Variants in TFCP2 observed in about 807,000 individuals in gnomAD.
TFCP2 encodes alpha-globin transcription factor CP2.
A neutral mutation model predicts 73.4 loss-of-function variants in TFCP2; 33 were observed. The ratio of observed to expected loss-of-function variants is 0.45; its 90% CI spans 0.34 to 0.60. The LOEUF (loss-of-function observed/expected upper bound fraction) is 0.60, where lower values mean the gene tolerates loss of function less well. TFCP2 is among the 20% of genes least tolerant of loss of function. The pLI is 0.01. For synonymous variants in TFCP2, 193 were observed against 211.6 expected, an observed-to-expected ratio of 0.91 and a Z score of 0.76; for missense variants, 352 against 604.0, an observed-to-expected ratio of 0.58 and a Z score of 4.37.
chr12:51,099,267 C>T (rs1940046078), intron 12 of TFCP2, among the ~76,000 whole-genome samples: 1 of 152,132 alleles, frequency 6.6e-6, no homozygotes, highest in Admixed American at 6.6e-5. Flanking sequence ...AGGGAGATCG[C>T]TTGAGCCCAG....
chr12:51,147,514 C>G lies in TFCP2; in HGVS notation c.122+24787G>C, dbSNP rs372781032. ...ATGAACAAGGCAGATAAAGGGAGAC[C>G]AGGATAGGAAGAGGTGGGGGGGGAA... On this transcript the variant is annotated intron_variant, in intron 1 of 14. Coordinates refer to ENST00000257915, the MANE Select transcript of TFCP2 (RefSeq NM_005653.5). Among the ~76,000 whole-genome samples, 4 of 143,380 alleles carry G rather than the reference C, an allele frequency of 2.8e-5. No homozygotes were observed. In the East Asian group the frequency reaches 7.9e-4, roughly 28 times the overall value. The allele number at this position is 143,380 out of a possible 152,430, so 94.1% of individuals were successfully genotyped here. A position where few individuals can be genotyped will look rare whatever the true frequency, so the allele number is the denominator to read the frequency against.
chr12:51,129,841 A>G (rs1474378158), intron 1 of TFCP2, among the ~76,000 whole-genome samples: 5 of 150,936 alleles, frequency 3.3e-5, no homozygotes, highest in African/African-American at 1.2e-4. Context: ...CTGGGGGAAA[A>G]AAAAAAGCAG....
intron 13 of TFCP2, among the ~76,000 whole-genome samples, chr12:51,098,049 G>A (rs1036677950): frequency 1.3e-5 from 2 of 151,568 alleles, no homozygotes; most frequent in Non-Finnish European, 2.9e-5. Context: ...AAAATTCACC[G>A]GGGGAAGTAA....
At chr12:51,132,357 C>CTTTTTTGT in intron 1 of TFCP2, among the ~76,000 whole-genome samples, 1 of 61,766 alleles carries the variant, frequency 1.6e-5, no homozygotes, top group Non-Finnish European at 2.9e-5. Context: ...AGGGATTAGT[C>CTTTTTTGT]TTTTTTTTTT....
chr12:51,101,460 T>A (rs1297125329), intron 11 of TFCP2, among the ~76,000 whole-genome samples: 1 of 152,182 alleles, frequency 6.6e-6, no homozygotes, highest in Non-Finnish European at 1.5e-5. Context: ...GAACTCAGCT[T>A]AAGTATCCCC....
chr12:51,102,308 G>A (rs929930653), intron 10 of TFCP2, among the ~76,000 whole-genome samples: 1 of 152,032 alleles, frequency 6.6e-6, no homozygotes, highest in African/African-American at 2.4e-5. Flanking sequence ...TCTAAGCTGG[G>A]CACAACATGC....
intron 5 of TFCP2, among the ~76,000 whole-genome samples, 195 bp downstream of exon 5, chr12:51,110,682 T>C (rs1477827346): frequency 6.6e-6 from 1 of 152,090 alleles, no homozygotes; most frequent in Admixed American, 6.6e-5. Flanking sequence ...GAGACACAAA[T>C]AAATAAACTG....
At chr12:51,132,425 G>A (rs1173275127) in intron 1 of TFCP2, among the ~76,000 whole-genome samples, 2 of 122,590 alleles carry the variant, frequency 1.6e-5, no homozygotes, top group African/African-American at 6.0e-5. Flanking sequence ...CTAAAGTGCA[G>A]TGGTGCCATC....
At chr12:51,150,428 G>GA (rs1382584623) in intron 1 of TFCP2, among the ~76,000 whole-genome samples, 3 of 151,332 alleles carry the variant, frequency 2.0e-5, no homozygotes, top group Non-Finnish European at 3.0e-5. Context: ...GAAAAAAAAA[G>GA]AAAAAAAATT....
intron 1 of TFCP2, among the ~76,000 whole-genome samples, chr12:51,161,107 C>T (rs1471683158): frequency 6.6e-6 from 1 of 151,974 alleles, no homozygotes; most frequent in Non-Finnish European, 1.5e-5. Flanking sequence ...TGGATCTAAG[C>T]ATTTAAGGAA....
intron 1 of TFCP2, among the ~76,000 whole-genome samples, chr12:51,136,313 A>G (rs1592818429): frequency 6.6e-6 from 1 of 151,588 alleles, no homozygotes; most frequent in African/African-American, 2.4e-5. Context: ...AAAAAAAAAA[A>G]AAAAGAAAAA....
intron 4 of TFCP2, among the ~76,000 whole-genome samples, chr12:51,115,432 T>C (rs1940511973): frequency 6.6e-6 from 1 of 152,156 alleles, no homozygotes; most frequent in African/African-American, 2.4e-5. Flanking sequence ...AATTGGAACC[T>C]TTGAGTACCG....
intron 1 of TFCP2, among the ~76,000 whole-genome samples, chr12:51,154,388 T>C (rs1439821707): frequency 1.3e-5 from 2 of 152,140 alleles, no homozygotes; most frequent in Non-Finnish European, 1.5e-5. Context: ...TATAACAATA[T>C]ATGGTAATAA....
At chr12:51,128,666 A>T (rs1940869784) in intron 1 of TFCP2, among the ~76,000 whole-genome samples, 1 of 152,172 alleles carries the variant, frequency 6.6e-6, no homozygotes, top group South Asian at 2.1e-4. Context: ...AAAAATATGA[A>T]TTTTTTAACT....
At position 51,110,934 on chromosome 12, in the gene TFCP2, T is replaced by C. The variant is rs752873796; in HGVS notation, c.507A>G (p.Gln169=). The C allele has an allele frequency of 1.9e-6, 3 of 1,613,978 alleles. No homozygotes were observed. The African/African-American group carries it at 4.0e-5, about 22-fold the overall frequency. The change falls in exon 5 of 15, where the codon CAA becomes CAG. Residue 169 remains glutamine, a synonymous_variant. Transcript: ENST00000257915. ...GIIDPRANPT[Q]LNTVEFLWDP... ...CCCACAGGAACTCCACTGTATTTAG[T>C]TGAGTTGGATTAGCCCTAGGATCGA...
chr12:51,096,730 T>A (rs1051111467), intron 13 of TFCP2, among the ~76,000 whole-genome samples: 2 of 152,124 alleles, frequency 1.3e-5, no homozygotes, highest in African/African-American at 4.8e-5. Context: ...TCTAATGACA[T>A]TGTCATTACA....
In TFCP2 at chr12:51,110,977, G is replaced by A. The variant is rs1940384927; in HGVS notation, c.464C>T (p.Pro155Leu). 1.2e-6 allele frequency: 2 copies of A among 1,609,276 alleles called. No homozygotes were observed. Among genetic ancestry groups the A allele is most frequent in the Non-Finnish European group, 1.7e-6 (2 of 1,175,718 alleles). Residue 155 changes from proline (P) to leucine (L), a missense_variant, in exon 5 of 15, where the codon CCG becomes CTG. Pro to Leu is a moderately conservative substitution (Grantham distance 98). Around this residue, in one of 6 missense-constraint regions of TFCP2, gnomAD observed 31 missense variants for 43.7 expected, o/e 0.71. Transcript: ENST00000257915. ...AGGATCGATTATACCCACAGACATC[G>A]GGATATCTGAGAAACAAAATGGTAA... is the stretch of plus-strand genomic sequence containing the variant. ...PGDRILDIDI[P>L]MSVGIIDPRA...
chr12:51,116,551 T>C, intron 3 of TFCP2, 131 bp from the exon 4 acceptor site: 1 of 475,732 alleles, frequency 2.1e-6, no homozygotes, highest in Non-Finnish European at 3.7e-6. Context: ...TAAGATCTGT[T>C]TCACTCTAAA....
intron 1 of TFCP2, among the ~76,000 whole-genome samples, chr12:51,135,990 G>T (rs1941051905): frequency 6.6e-6 from 1 of 152,008 alleles, no homozygotes; most frequent in South Asian, 2.1e-4. Flanking sequence ...TAGGTAGCAG[G>T]AATATAGCAA....
Sources: allele counts gnomAD v4.1 joint callset (sites outside exome capture counted in the v4.1 genomes callset), GRCh38; gene constraint gnomAD v4.1.1; regional missense constraint gnomAD v4.1.1; transcripts MANE v1.5; gene names NCBI Gene and HGNC (gene_info 2026-07-23, HGNC 2026-07-21).